Variants in GDAP2 observed in about 807,000 individuals in gnomAD.
The protein encoded by GDAP2 is ganglioside-induced differentiation-associated protein 2.
GDAP2 carries 51 observed loss-of-function variants against 67.0 expected under a neutral mutation model. That is an observed-to-expected ratio of 0.76 (90% CI 0.61 to 0.96). The LOEUF (loss-of-function observed/expected upper bound fraction) is 0.96, where lower values mean the gene tolerates loss of function less well. Ranked by LOEUF, GDAP2 falls within the 40% of genes least tolerant of loss-of-function variation. GDAP2 has a pLI of 0.00. For synonymous variants in GDAP2, 203 were observed against 207.3 expected (o/e 0.98, Z 0.18); for missense variants, 547 against 588.3 (o/e 0.93, Z 0.73).
At position 117,867,527 on chromosome 1, in the gene GDAP2, G is replaced by GGAAAAAA. The variant is rs1648110908; in HGVS notation, c.*3041_*3042insTTTTTTC. ...AACATGGTGAAACCCTGTCTCTACT[G>GGAAAAAA]AAAAAAAAAAAAAAAAAAAAAAAAA... On this transcript the variant is annotated 3_prime_UTR_variant, in exon 14 of 14. Coordinates refer to ENST00000369443, the MANE Select transcript of GDAP2 (RefSeq NM_017686.4). 1 of 80,050 alleles carries GGAAAAAA rather than the reference G, an allele frequency of 1.2e-5. No individual in the cohort carries two copies. The highest frequency in any genetic ancestry group is 4.7e-5 in the African/African-American group (1 of 21,150). 5.0% of individuals were successfully genotyped at this position (80,050 alleles called of 1,614,324 possible).
Position 117,920,292 on chromosome 1 carries a change from T to A in GDAP2, c.66A>T (p.Ser22=). The A allele has an allele frequency of 6.2e-7, 1 of 1,610,460 alleles. No homozygotes were observed. ...CAGAGGAATTTAATTCATCTTGGCA[T>A]GAGTCACCCCAGCTTGGTAGTGTAT... The part of the protein sequence containing the change: ...DVDTLPSWGD[S]CQDELNSSDT... Residue 22 remains serine, a synonymous_variant, in exon 2 of 14, where the codon TCA becomes TCT. Coordinates refer to ENST00000369443, the MANE Select transcript of GDAP2 (RefSeq NM_017686.4).
intron 8 of GDAP2, among the ~76,000 whole-genome samples, chr1:117,893,671 A>G (rs1257613860): frequency 6.6e-6 from 1 of 152,188 alleles, no homozygotes; most frequent in Admixed American, 6.5e-5. Flanking sequence ...ACAACCTACA[A>G]TCTCAAATAC....
At chr1:117,892,276 T>C (rs948107912) in intron 8 of GDAP2, among the ~76,000 whole-genome samples, 1 of 152,170 alleles carries the variant, frequency 6.6e-6, no homozygotes, top group Non-Finnish European at 1.5e-5. Context: ...CTGTTACTCT[T>C]CTCACTCAAT....
At position 117,875,963 on chromosome 1, in the gene GDAP2, G is replaced by C. The variant is rs1163797673; in HGVS notation, c.1446+2046C>G. 3.3e-5 allele frequency among the ~76,000 whole-genome samples: 5 copies of C among 152,252 alleles called. No individual in the cohort carries two copies. The South Asian group carries it at 6.2e-4, about 19-fold the overall frequency. ...TCTCCAGATGAGACTTTGGATTTCT[G>C]AGTTGGTGCTGGAACAAGGTAAAAC... On this transcript the variant is annotated intron_variant, in intron 13 of 13. Coordinates refer to ENST00000369443, the MANE Select transcript of GDAP2 (RefSeq NM_017686.4).
chr1:117,876,140 T>A (rs1391577855), intron 13 of GDAP2, among the ~76,000 whole-genome samples: 1 of 152,086 alleles, frequency 6.6e-6, no homozygotes, highest in Admixed American at 6.6e-5. Context: ...TGGGGTCTAA[T>A]GTGAGGTGTT....
rs548313565 is a variant in GDAP2 at position 117,923,165 on chromosome 1, G to A, written c.-67-2741C>T. Among the ~76,000 whole-genome samples the A allele has an allele frequency of 5.5e-4, 84 of 152,246 alleles. 1 individual carries two copies. Among genetic ancestry groups the A allele is most frequent in the South Asian group, 3.7e-3 (18 of 4,822 alleles). ...TGTTATCCTGTTCTTTTTTGAAGGT[G>A]CCCAGATTTCATATTGTTTAAACAC... On this transcript the variant is annotated intron_variant, in intron 1 of 13. Coordinates refer to ENST00000369443, the MANE Select transcript of GDAP2 (RefSeq NM_017686.4).
chr1:117,910,509 A>C (rs75335961), intron 5 of GDAP2, among the ~76,000 whole-genome samples: 1,748 of 152,308 alleles, frequency 0.011, 32 homozygotes, highest in African/African-American at 0.04. Context: ...AATAGGTTAT[A>C]ATTAAATAAG....
At chr1:117,922,591 G>T (rs1032153139) in intron 1 of GDAP2, among the ~76,000 whole-genome samples, 1 of 152,144 alleles carries the variant, frequency 6.6e-6, no homozygotes, top group Non-Finnish European at 1.5e-5. Context: ...TGGGTGTCCA[G>T]GGGAGACATC....
intron 5 of GDAP2, among the ~76,000 whole-genome samples, chr1:117,909,413 AT>A (rs1212612849): frequency 6.6e-6 from 1 of 152,228 alleles, no homozygotes; most frequent in Non-Finnish European, 1.5e-5. Context: ...GTCTTAATAT[AT>A]CTATCAAAAA....
At chr1:117,918,259 G>C (rs1650118217) in intron 3 of GDAP2, among the ~76,000 whole-genome samples, 1 of 152,150 alleles carries the variant, frequency 6.6e-6, no homozygotes, top group Non-Finnish European at 1.5e-5. Flanking sequence ...TTCACGAGGA[G>C]AGTCATCTCA....
At chr1:117,926,398 A>G (rs886476422) in intron 1 of GDAP2, among the ~76,000 whole-genome samples, 1 of 152,200 alleles carries the variant, frequency 6.6e-6, no homozygotes, top group Non-Finnish European at 1.5e-5. Flanking sequence ...TCCTTTTCCT[A>G]GCTTTTAAGT....
intron 8 of GDAP2, among the ~76,000 whole-genome samples, chr1:117,896,369 CAT>C (rs1164466629): frequency 6.6e-6 from 1 of 152,126 alleles, no homozygotes; most frequent in Non-Finnish European, 1.5e-5. Context: ...CTTTAGAAGA[CAT>C]ATGGAAGAAA....
chr1:117,893,786 T>C (rs1347508510), intron 8 of GDAP2, among the ~76,000 whole-genome samples: 1 of 152,184 alleles, frequency 6.6e-6, no homozygotes, highest in African/African-American at 2.4e-5. Context: ...AATATATCTA[T>C]ATAAAACACA....
chr1:117,926,361 C>T (rs998033365), intron 1 of GDAP2, among the ~76,000 whole-genome samples: 2 of 152,208 alleles, frequency 1.3e-5, no homozygotes, highest in Admixed American at 6.5e-5. Flanking sequence ...TATCCCTGAT[C>T]ATACCTGGTC....
chr1:117,891,978 CTT>C (rs1240582422), intron 8 of GDAP2, among the ~76,000 whole-genome samples: 4 of 152,036 alleles, frequency 2.6e-5, no homozygotes, highest in African/African-American at 7.2e-5. Flanking sequence ...TAAAGATAGA[CTT>C]TGGTTGACAA....
chr1:117,911,458 C>G (rs1337340068), intron 5 of GDAP2, among the ~76,000 whole-genome samples: 2 of 152,156 alleles, frequency 1.3e-5, no homozygotes, highest in African/African-American at 2.4e-5. Context: ...TTTAACTACT[C>G]AATGCATTAG....
At chr1:117,913,785 T>C (rs1001077354) in intron 3 of GDAP2, among the ~76,000 whole-genome samples, 1 of 152,162 alleles carries the variant, frequency 6.6e-6, no homozygotes, top group Non-Finnish European at 1.5e-5. Context: ...ATTCATATGT[T>C]AAACCCTACC....
rs1648149174 is a variant in GDAP2 at position 117,868,422 on chromosome 1, A to T, written c.*2147T>A. 1 of 152,230 alleles carries T rather than the reference A, an allele frequency of 6.6e-6. No individual in the cohort carries two copies. Among genetic ancestry groups the T allele is most frequent in the Non-Finnish European group, 1.5e-5 (1 of 68,038 alleles). The allele number at this position is 152,230 out of a possible 1,614,324, so 9.4% of individuals were successfully genotyped here. A position where few individuals can be genotyped will look rare whatever the true frequency, so the allele number is the denominator to read the frequency against. Reference sequence around the variant, plus strand: ...ATTGTACTAAAATCTCAGCATATGTAGAATCCTGCTTGTGTTACTAAACAT... The same window carrying T: ...ATTGTACTAAAATCTCAGCATATGTTGAATCCTGCTTGTGTTACTAAACAT... On this transcript the variant is annotated 3_prime_UTR_variant, in exon 14 of 14. Transcript: ENST00000369443.
chr1:117,905,161 T>C (rs1649614383), intron 6 of GDAP2, among the ~76,000 whole-genome samples: 1 of 152,206 alleles, frequency 6.6e-6, no homozygotes, highest in African/African-American at 2.4e-5. Context: ...CTTCTTGCCA[T>C]TAGTCTTTCC....
Sources: allele counts gnomAD v4.1 joint callset (sites outside exome capture counted in the v4.1 genomes callset), GRCh38; gene constraint gnomAD v4.1.1; transcripts MANE v1.5; gene names NCBI Gene and HGNC (gene_info 2026-07-23, HGNC 2026-07-21).